USH2A: variants seen among roughly 807,000 people sequenced by gnomAD.
USH2A encodes Usher syndrome 2A (autosomal recessive, mild).
A neutral mutation model predicts 538.9 loss-of-function variants in USH2A; 443 were observed. That is an observed-to-expected ratio of 0.82 (90% CI 0.76 to 0.89). The LOEUF (loss-of-function observed/expected upper bound fraction) is 0.89. Among genes scored for constraint, USH2A ranks in the 40% least tolerant of loss-of-function variants. The pLI is 0.00. For synonymous variants in USH2A, 2,413 were observed against 2,273.5 expected (o/e 1.06, Z -1.75); for missense variants, 6,633 against 6,324.8 (o/e 1.05, Z -1.65).
chr1:215,670,786 A>G (rs901964460), intron 64 of USH2A, among the ~76,000 whole-genome samples, 186 bp downstream of exon 64: 1 of 152,212 alleles, frequency 6.6e-6, no homozygotes, highest in African/African-American at 2.4e-5. Context: ...AAAAACCAAG[A>G]AAATGAAAAA....
chr1:215,794,974 C>T (rs2102774492), intron 50 of USH2A, among the ~76,000 whole-genome samples: 1 of 152,302 alleles, frequency 6.6e-6, no homozygotes, highest in Non-Finnish European at 1.5e-5. Context: ...TGGACGGTAA[C>T]CTCCATTCCA....
At chr1:216,098,180 G>A (rs578006134) in intron 21 of USH2A, among the ~76,000 whole-genome samples, 11 of 152,132 alleles carry the variant, frequency 7.2e-5, no homozygotes, top group African/African-American at 1.4e-4. Flanking sequence ...AGTATCCCAC[G>A]TACTCAACAC....
chr1:215,907,508 T>C (rs1255740687), intron 38 of USH2A, among the ~76,000 whole-genome samples: 5 of 152,060 alleles, frequency 3.3e-5, no homozygotes, highest in Non-Finnish European at 7.4e-5. Flanking sequence ...TGAGAATGCC[T>C]TTTAAACTTA....
intron 46 of USH2A, among the ~76,000 whole-genome samples, chr1:215,841,764 C>T (rs950719523): frequency 3.3e-5 from 5 of 152,072 alleles, no homozygotes; most frequent in Non-Finnish European, 7.4e-5. Flanking sequence ...AGGCAACCTA[C>T]AGAATGGGAG....
rs1453036509 is a variant in USH2A, at chr1:215,845,993, A to G, written c.8886T>C (p.Leu2962=). 1.9e-6 allele frequency: 3 copies of G among 1,613,750 alleles called. No homozygotes were observed. The highest frequency in any genetic ancestry group is 2.2e-5 in the East Asian group (1 of 44,878). The change falls in exon 45 of 72, where the codon CTT becomes CTC. Residue 2962 remains leucine (L), a synonymous_variant. Transcript: ENST00000307340. ...DLQGEVEYYT[L]FWSSATSNDS... is the part of the protein sequence containing the mutation. Reference sequence around the variant, plus strand: ...CGTTTGAGGTAGCAGAACTCCAAAAAAGTGTGTAATATTCAACTTCACCTT... The same window carrying G: ...CGTTTGAGGTAGCAGAACTCCAAAAGAGTGTGTAATATTCAACTTCACCTT...
At chr1:216,062,431 A>G (rs1045900962) in intron 30 of USH2A, among the ~76,000 whole-genome samples, 1 of 152,208 alleles carries the variant, frequency 6.6e-6, no homozygotes, top group Non-Finnish European at 1.5e-5. Flanking sequence ...ACAGTGCAAA[A>G]ATCAGAAAAT....
chr1:216,373,065 A>G (rs2038745079), intron 3 of USH2A, among the ~76,000 whole-genome samples: 1 of 152,172 alleles, frequency 6.6e-6, no homozygotes, highest in South Asian at 2.1e-4. Context: ...ACTGCTCTTC[A>G]TACTCTCACT....
In USH2A at chr1:215,855,908, C is replaced by T. The variant is rs538334631; in HGVS notation, c.8846-9875G>A. ...ATATTTACAGCCAACTGATCTTTGA[C>T]AAAAGAAACAAAAACATAAAGTGGG... is the stretch of plus-strand genomic sequence containing the variant. On this transcript the variant is annotated intron_variant, in intron 44 of 71. Transcript: ENST00000307340. Among the ~76,000 whole-genome samples the T allele has an allele frequency of 5.9e-5, 9 of 152,100 alleles. 1 individual carries two copies. In the South Asian group the frequency reaches 1.9e-3, roughly 32 times the overall value.
intron 61 of USH2A, among the ~76,000 whole-genome samples, chr1:215,690,669 T>C (rs1658573346): frequency 6.6e-6 from 1 of 150,902 alleles, no homozygotes; most frequent in South Asian, 2.3e-4. Flanking sequence ...CTTCCCTTTT[T>C]TTCAGTTGAT....
At chr1:216,041,333 AC>A (rs2030264384) in intron 32 of USH2A, among the ~76,000 whole-genome samples, 1 of 152,008 alleles carries the variant, frequency 6.6e-6, no homozygotes, top group Admixed American at 6.6e-5. Flanking sequence ...TTTTGTACTA[AC>A]TCAAGGTGCA....
chr1:216,264,035 A>G (rs1369569168), intron 11 of USH2A, among the ~76,000 whole-genome samples: 2 of 152,164 alleles, frequency 1.3e-5, no homozygotes, highest in East Asian at 3.9e-4. Context: ...AATACTGAGG[A>G]ATAAATGTAA....
intron 61 of USH2A, among the ~76,000 whole-genome samples, chr1:215,698,363 G>A (rs1226592214): frequency 1.3e-5 from 2 of 152,098 alleles, no homozygotes; most frequent in Admixed American, 1.3e-4. Context: ...TGGGTCAAAT[G>A]GTATTTCTGG....
intron 11 of USH2A, among the ~76,000 whole-genome samples, chr1:216,288,115 T>C (rs2036921545): frequency 6.6e-6 from 1 of 152,090 alleles, no homozygotes; most frequent in Admixed American, 6.6e-5. Flanking sequence ...CAAAATATGA[T>C]ATATCAATAT....
intron 13 of USH2A, among the ~76,000 whole-genome samples, chr1:216,242,335 G>A (rs2035955087): frequency 6.7e-6 from 1 of 150,354 alleles, no homozygotes; most frequent in East Asian, 2.0e-4. Context: ...TAGCCTGGGC[G>A]ACAGAGCTAG....
chr1:215,628,870 T>C lies in USH2A; in HGVS notation c.15463A>G (p.Lys5155Glu), dbSNP rs770601513. 5.0e-6 allele frequency: 8 copies of C among 1,614,072 alleles called. No homozygotes were observed. Among genetic ancestry groups the C allele is most frequent in the Non-Finnish European group, 5.9e-6 (7 of 1,180,048 alleles). ...CACAGTGAGTTGTCCATCAAGACTT[T>C]CTTGTCTTGAATGTCCATGAGCTGG... Reference protein sequence around the residue: ...VSQLMDIQDKKVLMDNSLWEA... With the variant: ...VSQLMDIQDKEVLMDNSLWEA... Residue 5155 changes from lysine (K) to glutamate (E), a missense_variant, in exon 71 of 72, where the codon AAA becomes GAA. Lys to Glu is a moderately conservative substitution (Grantham distance 56). Transcript: ENST00000307340.
At chr1:216,217,001 T>A (rs2035354692) in intron 15 of USH2A, among the ~76,000 whole-genome samples, 1 of 151,858 alleles carries the variant, frequency 6.6e-6, no homozygotes, top group Admixed American at 6.6e-5. Flanking sequence ...CAAAAAAAAA[T>A]AACTTACCTG....
At chr1:216,393,404 A>C (rs556548569) in intron 3 of USH2A, among the ~76,000 whole-genome samples, 3 of 152,364 alleles carry the variant, frequency 2.0e-5, no homozygotes, top group Admixed American at 1.3e-4. Flanking sequence ...AATAAGGTAC[A>C]TAAGTAATTT....
At chr1:215,900,444 T>C (rs1665463527) in intron 39 of USH2A, among the ~76,000 whole-genome samples, 1 of 152,160 alleles carries the variant, frequency 6.6e-6, no homozygotes, top group African/African-American at 2.4e-5. Flanking sequence ...CTGACTGCCA[T>C]GTGGATTTGT....
intron 71 of USH2A, among the ~76,000 whole-genome samples, chr1:215,627,390 TTCC>T (rs1656070600): frequency 2.7e-4 from 4 of 15,080 alleles, no homozygotes; most frequent in South Asian, 0.012. Context: ...CCTTCTTTCC[TTCC>T]TTCCTTCCTT....
Sources: gnomAD v4.1 joint callset for allele counts (sites outside exome capture counted in the v4.1 genomes callset) on GRCh38, gnomAD v4.1.1 for gene constraint, MANE v1.5 for transcripts, NCBI Gene and HGNC (gene_info 2026-07-23, HGNC 2026-07-21) for gene names.